Variants in CFAP65 observed in about 807,000 individuals in gnomAD.
The protein encoded by CFAP65 is cilia- and flagella-associated protein 65.
CFAP65 carries 155 observed loss-of-function variants against 208.0 expected under a neutral mutation model. That is an observed-to-expected ratio of 0.75 (90% CI 0.65 to 0.85). The LOEUF (loss-of-function observed/expected upper bound fraction) is 0.85. Ranked by LOEUF, CFAP65 falls within the 40% of genes least tolerant of loss-of-function variation. The probability of loss-of-function intolerance (pLI) is 0.00; values close to 1 mark genes in which losing one functional copy is unlikely to be tolerated. For synonymous variants in CFAP65, 970 were observed against 986.3 expected (o/e 0.98, Z 0.31); for missense variants, 2,294 against 2,451.3 (o/e 0.94, Z 1.36).
chr2:219,005,620 G>A, intron 31 of CFAP65, 58 bp from the exon 32 acceptor site: 1 of 1,598,218 alleles, frequency 6.3e-7, no homozygotes. Context: ...GGGGTTGGGG[G>A]CACAAGCAGT....
At chr2:219,014,115 C>T in intron 21 of CFAP65, 71 bp from the exon 22 acceptor site, 1 of 1,390,546 alleles carries the variant, frequency 7.2e-7, no homozygotes, top group Non-Finnish European at 9.7e-7. Context: ...CTCTGAGACC[C>T]TGATGGGCAG....
chr2:219,003,011 G>A lies in CFAP65; in HGVS notation c.5704C>T (p.Pro1902Ser), dbSNP rs1429673408. The A allele has an allele frequency of 1.9e-6, 3 of 1,558,136 alleles. No homozygotes were observed. The highest frequency in any genetic ancestry group is 2.6e-6 in the Non-Finnish European group (3 of 1,150,258). Reference protein sequence around the residue: ...PPFCVPRSLTPDTLLPTQQAE... With the variant: ...PPFCVPRSLTSDTLLPTQQAE... ...TGCTGCGTCGGCAGCAGCGTGTCCG[G>A]GGTCAGACTCCTGGAAGACAAAAAG... The change falls in exon 35 of 35, where the codon CCG becomes TCG. Residue 1902 changes from proline to serine, a missense_variant. Physicochemically the swap from Pro to Ser is moderately conservative, Grantham distance 74 (BLOSUM62 -1). Coordinates refer to ENST00000341552, the MANE Select transcript of CFAP65 (RefSeq NM_194302.4). The surrounding 1 kb of genome is among the most constrained non-coding windows in gnomAD (Gnocchi z 4.4).
At chr2:219,012,669 T>TAAAG (rs1008520750) in intron 24 of CFAP65, among the ~76,000 whole-genome samples, 2 of 152,242 alleles carry the variant, frequency 1.3e-5, no homozygotes, top group Non-Finnish European at 2.9e-5. Flanking sequence ...CTTCAATCAG[T>TAAAG]AAAGAAAGAA....
At chr2:219,029,276 G>A in intron 11 of CFAP65, 127 bp downstream of exon 11, 2 of 1,249,356 alleles carry the variant, frequency 1.6e-6, no homozygotes, top group South Asian at 1.5e-5. Flanking sequence ...CCCAGGAGTG[G>A]GAGACCACCA....
chr2:219,003,053 G>A lies in CFAP65; in HGVS notation c.5694-32C>T. The A allele has an allele frequency of 6.4e-7, 1 of 1,551,748 alleles. No individual in the cohort carries two copies. Among genetic ancestry groups the A allele is most frequent in the Non-Finnish European group, 8.7e-7 (1 of 1,147,058 alleles). On this transcript the variant is annotated intron_variant, in intron 34 of 34. Coordinates refer to ENST00000341552, the MANE Select transcript of CFAP65 (RefSeq NM_194302.4). The surrounding 1 kb of genome is among the most constrained non-coding windows in gnomAD (Gnocchi z 4.4). Reference sequence around the variant, plus strand: ...GACAAAAAGTCCCAGGTAGGCGTGGGGGCGAGGCTTCGGGCAGAGCCTGGC... The same window carrying A: ...GACAAAAAGTCCCAGGTAGGCGTGGAGGCGAGGCTTCGGGCAGAGCCTGGC...
At chr2:219,006,806 C>G (rs1946033786) in intron 29 of CFAP65, among the ~76,000 whole-genome samples, 1 of 149,130 alleles carries the variant, frequency 6.7e-6, no homozygotes, top group Non-Finnish European at 1.5e-5. Flanking sequence ...TGCACTCCAG[C>G]CTGGGTGACA....
chr2:219,030,125 G>A lies in CFAP65; in HGVS notation c.1245C>T (p.Ile415=). The A allele has an allele frequency of 1.9e-6, 3 of 1,614,176 alleles. No homozygotes were observed. Among genetic ancestry groups the A allele is most frequent in the Non-Finnish European group, 2.5e-6 (3 of 1,180,018 alleles). ...CACATTTCTTCTCTCCCGGAAGCAC[G>A]ATGCCATGGGCCGTGGGGCATGAGA... ...QAFSCPTAHG[I]VLPGEKKCVS... is the part of the protein sequence containing the mutation. The change falls in exon 10 of 35, where the codon ATC becomes ATT. Residue 415 remains isoleucine, a synonymous_variant. Transcript: ENST00000341552.
chr2:219,022,019 A>G, intron 17 of CFAP65, 89 bp from the exon 18 acceptor site: 1 of 1,566,414 alleles, frequency 6.4e-7, no homozygotes, highest in East Asian at 2.2e-5. Flanking sequence ...GCATCCCCCA[A>G]GGAAGGGCAA....
At chr2:219,021,665 C>G (rs1045328990) in intron 18 of CFAP65, 115 bp downstream of exon 18, 2 of 1,201,716 alleles carry the variant, frequency 1.7e-6, no homozygotes, top group African/African-American at 3.0e-5. Flanking sequence ...CCCACCTCAG[C>G]TTCTTGAAGA....
At chr2:219,027,012 G>C in intron 13 of CFAP65, 1 of 993,882 alleles carries the variant, frequency 1.0e-6, no homozygotes, top group Non-Finnish European at 1.2e-6. Context: ...GCTGGTAAGT[G>C]ACCCTGATCT....
At chr2:219,040,053 AGAC>A (rs1948580125) in intron 2 of CFAP65, among the ~76,000 whole-genome samples, 1 of 145,714 alleles carries the variant, frequency 6.9e-6, no homozygotes, top group Non-Finnish European at 1.5e-5. Flanking sequence ...TATTTATTTA[AGAC>A]AGACTCTCAT....
rs1362718038 is a variant in CFAP65, at chr2:219,039,021, C to T, written c.28G>A (p.Val10Met). The T allele has an allele frequency of 1.2e-6, 2 of 1,612,548 alleles. No homozygotes were observed. Among genetic ancestry groups the T allele is most frequent in the South Asian group, 1.1e-5 (1 of 90,870 alleles). Residue 10 changes from valine to methionine, a missense_variant, in exon 3 of 35, where the codon GTG becomes ATG. Around this residue, in one of 2 missense-constraint regions of CFAP65, gnomAD observed 867 missense variants for 1,012.6 expected, o/e 0.86. Coordinates refer to ENST00000341552, the MANE Select transcript of CFAP65 (RefSeq NM_194302.4). MFTLTGCRL[V>M]EKTQKVENPS... ...TTCTCCACCTTCTGGGTTTTCTCCACCAGTCTACAACCGGTTAAGGTAAAC... is the reference window on the plus strand; with the variant it reads ...TTCTCCACCTTCTGGGTTTTCTCCATCAGTCTACAACCGGTTAAGGTAAAC...
At chr2:219,038,759 A>G in intron 3 of CFAP65, 137 bp downstream of exon 3, 1 of 1,150,120 alleles carries the variant, frequency 8.7e-7, no homozygotes, top group Admixed American at 2.1e-5. Context: ...TTTGCCTGGG[A>G]GCCCAGGGAC....
chr2:219,012,642 C>A (rs1465861876), intron 24 of CFAP65, among the ~76,000 whole-genome samples: 2 of 152,218 alleles, frequency 1.3e-5, no homozygotes, highest in Non-Finnish European at 2.9e-5. Flanking sequence ...ATTTCCAGAG[C>A]AAGGAAACTG....
chr2:219,036,145 T>C (rs1030876730), intron 4 of CFAP65, among the ~76,000 whole-genome samples: 1 of 152,148 alleles, frequency 6.6e-6, no homozygotes, highest in Non-Finnish European at 1.5e-5. Flanking sequence ...CCTCTCCCAT[T>C]CCTCAATTGG....
rs757363208 is a variant in CFAP65 at position 219,024,236 on chromosome 2, C to T, written c.2374G>A (p.Glu792Lys). ...AGGAGCAGGCTGCGGTAGGTGGGCT[C>T]ACCGGAGGACACTGCTGGAAATAGC... ...PKLFPAVSSG[E>K]PTYRSLLLVN... The change falls in exon 15 of 35, where the codon GAG becomes AAG. Residue 792 changes from glutamate (E) to lysine (K), a missense_variant. Glu to Lys is a moderately conservative substitution (Grantham distance 56). Around this residue, in one of 2 missense-constraint regions of CFAP65, gnomAD observed 1,427 missense variants for 1,438.7 expected, o/e 0.99. Coordinates refer to ENST00000341552, the MANE Select transcript of CFAP65 (RefSeq NM_194302.4). The T allele has an allele frequency of 6.8e-6, 11 of 1,613,044 alleles. No individual in the cohort carries two copies. Among genetic ancestry groups the T allele is most frequent in the Middle Eastern group, 1.7e-4 (1 of 5,858 alleles).
chr2:219,013,382 G>T lies in CFAP65; in HGVS notation c.3847-13C>A, dbSNP rs375293800. On this transcript the variant is annotated splice_polypyrimidine_tract_variant and intron_variant, in intron 23 of 34. Transcript: ENST00000341552. The stretch of plus-strand genomic sequence containing the variant: ...CTATGAAATTTAGCTGGAAATAAAA[G>T]TTCCCCCGGAGGAACTGACACAGCC... 68 of 1,600,550 alleles carry T rather than the reference G, an allele frequency of 4.2e-5. 1 individual carries two copies. Among genetic ancestry groups the T allele is most frequent in the Non-Finnish European group, 5.4e-5 (63 of 1,171,492 alleles).
chr2:219,035,203 A>T, intron 5 of CFAP65: 1 of 933,248 alleles, frequency 1.1e-6, no homozygotes, highest in Non-Finnish European at 1.6e-6. Context: ...CTGGACACAT[A>T]TACACGAATG....
chr2:219,038,943 C>T lies in CFAP65; in HGVS notation c.106G>A (p.Gly36Ser). 6.2e-7 allele frequency: 1 copy of T among 1,613,654 alleles called. No homozygotes were observed. The highest frequency in any genetic ancestry group is 8.5e-7 in the Non-Finnish European group (1 of 1,179,842). The change falls in exon 3 of 35, where the codon GGC becomes AGC. Residue 36 changes from glycine to serine, a missense_variant. Gly to Ser is a moderately conservative substitution (Grantham distance 56). Coordinates refer to ENST00000341552, the MANE Select transcript of CFAP65 (RefSeq NM_194302.4). ...SFPLIPLLLR[G>S]KSVQKKQAES... ...GCTTGTTTCTTCTGAACACTCTTGC[C>T]TCTTAGGAGAAGAGGAATAAGGGGG...
Sources: gnomAD v4.1 joint callset for allele counts (sites outside exome capture counted in the v4.1 genomes callset) on GRCh38, gnomAD v4.1.1 for gene constraint, gnomAD v4.1.1 regional missense constraint, Gnocchi (gnomAD v3.1) non-coding constraint, MANE v1.5 for transcripts, NCBI Gene and HGNC (gene_info 2026-07-23, HGNC 2026-07-21) for gene names.